CACNA1D: variants seen among roughly 807,000 people sequenced by gnomAD.
CACNA1D encodes voltage-dependent L-type calcium channel subunit alpha-1D.
CACNA1D carries 55 observed loss-of-function variants against 257.1 expected under a neutral mutation model. That is an observed-to-expected ratio of 0.21 (90% CI 0.17 to 0.27). The LOEUF (loss-of-function observed/expected upper bound fraction) is 0.27, where lower values mean the gene tolerates loss of function less well. CACNA1D is among the 10% of genes least tolerant of loss of function. CACNA1D has a pLI of 1.00. For synonymous variants in CACNA1D, 980 were observed against 1,014.9 expected (o/e 0.97, Z 0.65); for missense variants, 1,876 against 2,784.0 (o/e 0.67, Z 7.34).
intron 20 of CACNA1D, among the ~76,000 whole-genome samples, chr3:53,737,184 C>G (rs574511659): frequency 3.3e-5 from 5 of 152,044 alleles, no homozygotes; most frequent in African/African-American, 1.2e-4. Context: ...CCTGTAGTCC[C>G]GACTACTCGG....
chr3:53,798,790 T>C (rs1387328818), intron 40 of CACNA1D, among the ~76,000 whole-genome samples: 1 of 152,150 alleles, frequency 6.6e-6, no homozygotes, highest in East Asian at 1.9e-4. Flanking sequence ...GGAGACCAGT[T>C]TTGAGCATCC....
chr3:53,519,639 T>C (rs2091475840), intron 3 of CACNA1D, among the ~76,000 whole-genome samples: 1 of 152,202 alleles, frequency 6.6e-6, no homozygotes, highest in African/African-American at 2.4e-5. Context: ...AGAAGCCTTA[T>C]TGAGATTGAG....
intron 40 of CACNA1D, 95 bp downstream of exon 40, chr3:53,787,047 A>G: frequency 1.5e-6 from 2 of 1,332,338 alleles, no homozygotes; most frequent in Non-Finnish European, 2.1e-6. Flanking sequence ...GTTGAGCAGT[A>G]CCACAAGGAT....
chr3:53,706,183 T>C (rs896586120), intron 9 of CACNA1D, among the ~76,000 whole-genome samples: 1 of 152,218 alleles, frequency 6.6e-6, no homozygotes, highest in African/African-American at 2.4e-5. Flanking sequence ...TGAGAGCCCT[T>C]TTCAGCTGGG....
At chr3:53,707,766 A>G (rs2094705967) in intron 9 of CACNA1D, among the ~76,000 whole-genome samples, 1 of 151,918 alleles carries the variant, frequency 6.6e-6, no homozygotes, top group East Asian at 1.9e-4. Flanking sequence ...TTCTATTTTA[A>G]ACTCTTCTCA....
At chr3:53,734,449 A>G (rs1007660774) in intron 19 of CACNA1D, among the ~76,000 whole-genome samples, 5 of 152,124 alleles carry the variant, frequency 3.3e-5, no homozygotes, top group African/African-American at 1.2e-4. Context: ...TGTTTTATAT[A>G]TATGTTTTAT....
intron 46 of CACNA1D, 114 bp downstream of exon 46, chr3:53,808,884 C>T (rs530216318): frequency 3.8e-6 from 4 of 1,060,278 alleles, no homozygotes; most frequent in Admixed American, 1.9e-5. Context: ...AGAGAATCTT[C>T]ACCTACAGTC....
At chr3:53,722,217 C>G in intron 11 of CACNA1D, 97 bp from the exon 12 acceptor site, 2 of 1,321,192 alleles carry the variant, frequency 1.5e-6, no homozygotes, top group South Asian at 1.2e-5. Flanking sequence ...CCAATCTAGA[C>G]CTCCAGAGTG....
At chr3:53,602,520 G>A (rs1243769678) in intron 3 of CACNA1D, among the ~76,000 whole-genome samples, 1 of 152,024 alleles carries the variant, frequency 6.6e-6, no homozygotes, top group Non-Finnish European at 1.5e-5. Context: ...TAGTTTTTTG[G>A]GGAACCCCCA....
chr3:53,659,829 A>G (rs2094185619), intron 4 of CACNA1D, among the ~76,000 whole-genome samples: 1 of 152,238 alleles, frequency 6.6e-6, no homozygotes, highest in African/African-American at 2.4e-5. Context: ...TTGTCATTTT[A>G]GTTTGCAGCA....
rs759586333 is a variant in CACNA1D, at chr3:53,497,112, A to T, written c.68-40A>T. 58 of 1,568,774 alleles carry T rather than the reference A, an allele frequency of 3.7e-5. No individual in the cohort carries two copies. The South Asian group carries it at 6.2e-4, about 17-fold the overall frequency. On this transcript the variant is annotated intron_variant, in intron 1 of 47. Transcript: ENST00000350061. ...TTTTTCTCCTACCCACTGGATCCTC[A>T]TTTAAAAAAAAAAATCTTTGTTTTT...
At chr3:53,664,825 G>C (rs865940965) in intron 5 of CACNA1D, among the ~76,000 whole-genome samples, 1 of 152,262 alleles carries the variant, frequency 6.6e-6, no homozygotes, top group African/African-American at 2.4e-5. Context: ...TGGAAGAAGG[G>C]GTCAGGGGGC....
chr3:53,719,742 G>T lies in CACNA1D; in HGVS notation c.1479-13G>T. On this transcript the variant is annotated splice_polypyrimidine_tract_variant and intron_variant, in intron 10 of 47. Coordinates refer to ENST00000350061, the MANE Select transcript of CACNA1D (RefSeq NM_001128840.3). Reference sequence around the variant, plus strand: ...CGGAACCAGAATCTTAACACTTTTTGTCTTTCTTTCAGTCAAGCCATCTCA... The same window carrying T: ...CGGAACCAGAATCTTAACACTTTTTTTCTTTCTTTCAGTCAAGCCATCTCA... 6.2e-7 allele frequency: 1 copy of T among 1,613,074 alleles called. No individual in the cohort carries two copies. The highest frequency in any genetic ancestry group is 2.2e-5 in the East Asian group (1 of 44,888).
At chr3:53,648,295 A>C (rs964348123) in intron 3 of CACNA1D, among the ~76,000 whole-genome samples, 1 of 152,102 alleles carries the variant, frequency 6.6e-6, no homozygotes, top group African/African-American at 2.4e-5. Flanking sequence ...TAGAACTCTT[A>C]AGTCTCAAAC....
chr3:53,724,317 C>T (rs778567379), intron 14 of CACNA1D, among the ~76,000 whole-genome samples: 14 of 152,184 alleles, frequency 9.2e-5, no homozygotes, highest in Non-Finnish European at 1.3e-4. Context: ...TTGAAATAGA[C>T]TCTAAAATTC....
intron 3 of CACNA1D, among the ~76,000 whole-genome samples, chr3:53,622,709 G>C (rs142616835): frequency 6.6e-6 from 1 of 152,156 alleles, no homozygotes; most frequent in East Asian, 1.9e-4. Context: ...ATCTGTACAA[G>C]TTTACCTGTA....
chr3:53,657,262 G>A (rs1224986226), intron 4 of CACNA1D, among the ~76,000 whole-genome samples: 1 of 151,868 alleles, frequency 6.6e-6, no homozygotes, highest in African/African-American at 2.4e-5. Flanking sequence ...ACATTATGGT[G>A]AGCAAAAGAA....
chr3:53,716,289 C>T (rs1393578703), intron 9 of CACNA1D, among the ~76,000 whole-genome samples: 1 of 152,258 alleles, frequency 6.6e-6, no homozygotes, highest in East Asian at 1.9e-4. Context: ...CAGGACCAGG[C>T]CTGTGGGTTC....
At chr3:53,611,027 A>G (rs531235361) in intron 3 of CACNA1D, among the ~76,000 whole-genome samples, 14 of 152,290 alleles carry the variant, frequency 9.2e-5, no homozygotes, top group Non-Finnish European at 1.9e-4. Flanking sequence ...TTGGATTGAC[A>G]GTTTTTCTTG....
Sources: gnomAD v4.1 joint callset for allele counts (sites outside exome capture counted in the v4.1 genomes callset) on GRCh38, gnomAD v4.1.1 for gene constraint, MANE v1.5 for transcripts, NCBI Gene and HGNC (gene_info 2026-07-23, HGNC 2026-07-21) for gene names.